The following ANKRD45 variants were observed in gnomAD, a reference collection of about 807,000 sequenced individuals.
The protein encoded by ANKRD45 is ankyrin repeat domain-containing protein 45.
In ANKRD45, 21 loss-of-function variants were observed where a neutral mutation model predicts 28.1. That is an observed-to-expected ratio of 0.75 (90% CI 0.53 to 1.08). The LOEUF (loss-of-function observed/expected upper bound fraction) is 1.08, where lower values mean the gene tolerates loss of function less well. Ranked by LOEUF, ANKRD45 falls within the 50% of genes least tolerant of loss-of-function variation. The probability of loss-of-function intolerance (pLI) is 0.00; values close to 1 mark genes in which losing one functional copy is unlikely to be tolerated. For missense variants in ANKRD45, 261 were observed against 308.7 expected (o/e 0.85, Z 1.16); for synonymous variants, 86 against 103.9 (o/e 0.83, Z 1.05).
At chr1:173,710,741 C>T in the ANKRD45 span, among the ~76,000 whole-genome samples, 3 of 152,332 alleles carry the variant, frequency 2.0e-5, no homozygotes, top group African/African-American at 7.2e-5. Flanking sequence ...TTTTTATCTA[C>T]TGGGAAACTG....
At chr1:173,682,462 C>A in the ANKRD45 span, among the ~76,000 whole-genome samples, 2 of 152,142 alleles carry the variant, frequency 1.3e-5, no homozygotes, top group Non-Finnish European at 1.5e-5. Context: ...GTTTCTCCCC[C>A]AAAAGGAGTC....
chr1:173,637,663 G>A (rs1668511668), intron 3 of ANKRD45, among the ~76,000 whole-genome samples: 1 of 152,356 alleles, frequency 6.6e-6, no homozygotes, highest in African/African-American at 2.4e-5. Flanking sequence ...GGACACAGCA[G>A]TAGGGTGGAT....
chr1:173,647,002 A>G lies in ANKRD45; in HGVS notation c.340T>C (p.Leu114=), dbSNP rs1326479120. 1.5e-5 allele frequency: 24 copies of G among 1,614,040 alleles called. No individual in the cohort carries two copies. The highest frequency in any genetic ancestry group is 1.9e-5 in the Non-Finnish European group (23 of 1,179,938). ...NEKTTRGYTL[L]HCAAAWGRLE... is the part of the protein sequence containing the mutation. ...CGACCCCAGGCTGCAGCACAATGTA[A>G]GAGTGTGTACCCTAACAAATGGAAT... is the stretch of plus-strand genomic sequence containing the variant. The change falls in exon 3 of 6, where the codon TTA becomes CTA. Residue 114 remains leucine (L), a synonymous_variant. Transcript: ENST00000333279.
chr1:173,638,822 G>A (rs761144948), intron 3 of ANKRD45, among the ~76,000 whole-genome samples: 41 of 152,086 alleles, frequency 2.7e-4, no homozygotes, highest in Non-Finnish European at 4.9e-4. Context: ...TCAACCCAGC[G>A]GGTTTCTTGG....
intron 2 of ANKRD45, among the ~76,000 whole-genome samples, chr1:173,656,044 G>A (rs75962423): frequency 6.6e-6 from 1 of 152,222 alleles, no homozygotes; most frequent in African/African-American, 2.4e-5. Context: ...GAAATCCCCT[G>A]ACCCCTTGTG....
At chr1:173,669,701 A>C in intron 1 of ANKRD45, 116 bp downstream of exon 1, 1 of 325,048 alleles carries the variant, frequency 3.1e-6, no homozygotes, top group Non-Finnish European at 6.5e-6. Flanking sequence ...CTGAGATTGA[A>C]GCCCACTCCC....
the ANKRD45 span, among the ~76,000 whole-genome samples, chr1:173,685,239 C>T: frequency 1.3e-5 from 2 of 152,196 alleles, no homozygotes; most frequent in Non-Finnish European, 2.9e-5. Flanking sequence ...TTCTTAAGCT[C>T]ACTGCATCCC....
chr1:173,654,390 A>G (rs1291383864), intron 2 of ANKRD45, among the ~76,000 whole-genome samples: 1 of 152,192 alleles, frequency 6.6e-6, no homozygotes, highest in African/African-American at 2.4e-5. Flanking sequence ...TTCTGGGTTG[A>G]AAATTCTTTT....
chr1:173,622,869 C>G (rs1029542998), intron 5 of ANKRD45, among the ~76,000 whole-genome samples: 6 of 152,190 alleles, frequency 3.9e-5, no homozygotes, highest in African/African-American at 1.4e-4. Context: ...AGTGAACAGA[C>G]AACCTACAGA....
intron 1 of ANKRD45, among the ~76,000 whole-genome samples, chr1:173,664,115 G>A (rs953673469): frequency 6.6e-6 from 1 of 152,108 alleles, no homozygotes; most frequent in East Asian, 1.9e-4. Flanking sequence ...TAAGCACTAT[G>A]GAGACTATAC....
At chr1:173,647,814 C>G (rs912355549) in intron 2 of ANKRD45, among the ~76,000 whole-genome samples, 1 of 151,308 alleles carries the variant, frequency 6.6e-6, no homozygotes. Context: ...TCAGACAGGT[C>G]TCACTCTGTT....
At chr1:173,641,659 C>G (rs1310867382) in intron 3 of ANKRD45, among the ~76,000 whole-genome samples, 2 of 152,186 alleles carry the variant, frequency 1.3e-5, no homozygotes, top group South Asian at 2.1e-4. Flanking sequence ...ATTGACTATC[C>G]CCTTCACCCT....
At chr1:173,666,800 T>G (rs868816010) in intron 1 of ANKRD45, among the ~76,000 whole-genome samples, 1 of 152,136 alleles carries the variant, frequency 6.6e-6, no homozygotes, top group Non-Finnish European at 1.5e-5. Flanking sequence ...TCACCCAAGC[T>G]GAAGTGCAGT....
the ANKRD45 span, among the ~76,000 whole-genome samples, chr1:173,691,248 G>T: frequency 1.3e-5 from 2 of 152,136 alleles, no homozygotes; most frequent in Admixed American, 6.5e-5. Flanking sequence ...TTTTGGTTTG[G>T]TTTTTTCTGT....
chr1:173,627,161 TG>T lies in ANKRD45; in HGVS notation c.497-3del, dbSNP rs1245492700. On this transcript the variant is annotated splice_region_variant and splice_polypyrimidine_tract_variant and intron_variant, in intron 3 of 5. Coordinates refer to ENST00000333279, the MANE Select transcript of ANKRD45 (RefSeq NM_198493.3). Reference sequence around the variant, plus strand: ...ATTTTTTCAGAGTCAGCCTTGCATCTGAAAGAATGGACAGAAACACACACAT... The same window carrying T: ...ATTTTTTCAGAGTCAGCCTTGCATCTAAAGAATGGACAGAAACACACACAT... The T allele has an allele frequency of 6.3e-7, 1 of 1,594,972 alleles. No individual in the cohort carries two copies. The highest frequency in any genetic ancestry group is 1.1e-5 in the South Asian group (1 of 90,606).
chr1:173,694,024 A>G, the ANKRD45 span, among the ~76,000 whole-genome samples: 1 of 152,206 alleles, frequency 6.6e-6, no homozygotes, highest in African/African-American at 2.4e-5. Flanking sequence ...TTGGCAAATA[A>G]GTTATGGTTG....
chr1:173,690,967 C>T, the ANKRD45 span, among the ~76,000 whole-genome samples: 1 of 152,148 alleles, frequency 6.6e-6, no homozygotes, highest in Non-Finnish European at 1.5e-5. Flanking sequence ...GCTCAATTTC[C>T]TCCATGGGAA....
At chr1:173,699,240 G>C in the ANKRD45 span, among the ~76,000 whole-genome samples, 1 of 152,024 alleles carries the variant, frequency 6.6e-6, no homozygotes, top group Non-Finnish European at 1.5e-5. Flanking sequence ...TTCTACCAGA[G>C]GTACAAAGAG....
chr1:173,693,476 A>G, the ANKRD45 span, among the ~76,000 whole-genome samples: 1 of 152,220 alleles, frequency 6.6e-6, no homozygotes, highest in Admixed American at 6.5e-5. Flanking sequence ...GCAAATGCAT[A>G]ACCACTTGCA....
Sources: allele counts gnomAD v4.1 joint callset (sites outside exome capture counted in the v4.1 genomes callset), GRCh38; gene constraint gnomAD v4.1.1; transcripts MANE v1.5; gene names NCBI Gene and HGNC (gene_info 2026-07-23, HGNC 2026-07-21).